BICRA: variants seen among roughly 807,000 people sequenced by gnomAD.
The protein encoded by BICRA is BRD4-interacting chromatin-remodeling complex-associated protein.
In BICRA, 31 loss-of-function variants were observed where a neutral mutation model predicts 96.9. The observed-to-expected ratio is 0.32, with a 90% CI of 0.24 to 0.43. BICRA has a LOEUF of 0.43. Ranked by LOEUF, BICRA falls within the 20% of genes least tolerant of loss-of-function variation. The pLI is 1.00. For missense variants in BICRA, 2,283 were observed against 2,190.3 expected, an observed-to-expected ratio of 1.04 and a Z score of -0.84; for synonymous variants, 1,350 against 1,071.8, an observed-to-expected ratio of 1.26 and a Z score of -5.07.
chr19:47,620,446 CA>C (rs1355442881), intron 1 of BICRA, among the ~76,000 whole-genome samples: 1 of 151,920 alleles, frequency 6.6e-6, no homozygotes, highest in Non-Finnish European at 1.5e-5. Flanking sequence ...GCAGGTGGAT[CA>C]CCTGAGGTCG....
intron 1 of BICRA, among the ~76,000 whole-genome samples, chr19:47,667,984 T>A (rs1972807935): frequency 6.6e-6 from 1 of 152,082 alleles, no homozygotes; most frequent in Non-Finnish European, 1.5e-5. Flanking sequence ...ATCCCAGCAC[T>A]TTGGGAGGCC....
intron 1 of BICRA, among the ~76,000 whole-genome samples, chr19:47,631,087 G>A (rs1320150346): frequency 6.6e-6 from 1 of 152,012 alleles, no homozygotes. Context: ...TTGAGACAGA[G>A]TCTGACTCTT....
In BICRA at chr19:47,682,066, C is replaced by G. The variant is rs925652057; in HGVS notation, c.2197C>G (p.Pro733Ala). 2.6e-6 allele frequency: 4 copies of G among 1,527,686 alleles called. No homozygotes were observed. In the Admixed American group the frequency reaches 7.5e-5, roughly 29 times the overall value. 94.6% of individuals were successfully genotyped at this position (1,527,686 alleles called of 1,614,324 possible). A position where few individuals can be genotyped will look rare whatever the true frequency, so the allele number is the denominator to read the frequency against. ...CAGCGCCCCGCCTCCCGCCCAAGAC[C>G]CAGCCCCAGCCACCCCCGTCGCCAA... The part of the protein sequence containing the change: ...IVSAPPPAQD[P>A]APATPVAKGA... The change falls in exon 7 of 15, where the codon CCA becomes GCA. Residue 733 changes from proline to alanine, a missense_variant. Physicochemically the swap from Pro to Ala is conservative, Grantham distance 27 (BLOSUM62 -1). Transcript: ENST00000594866.
At position 47,694,327 on chromosome 19, in the gene BICRA, T is replaced by G. The variant is rs1250467865; in HGVS notation, c.2496T>G (p.Pro832=). 2 of 676,722 alleles carry G rather than the reference T, an allele frequency of 3.0e-6. No homozygotes were observed. The highest frequency in any genetic ancestry group is 3.2e-5 in the Admixed American group (1 of 31,132). 41.9% of individuals were successfully genotyped at this position (676,722 alleles called of 1,614,324 possible). ...CACCCCAGGCCCCCCCAACTCTGCC[T>G]GGCATCTTTGTCATCCAAAACCAGC... ...CPPPQAPPTL[P]GIFVIQNQLG... The change falls in exon 8 of 15, where the codon CCT becomes CCG. Residue 832 remains proline, a synonymous_variant. Coordinates refer to ENST00000594866, the MANE Select transcript of BICRA (RefSeq NM_001394372.1).
At chr19:47,628,798 G>A (rs982855881) in intron 1 of BICRA, among the ~76,000 whole-genome samples, 4 of 151,994 alleles carry the variant, frequency 2.6e-5, no homozygotes, top group Non-Finnish European at 4.4e-5. Context: ...TGTAGACACA[G>A]GGTTTTGCCA....
At chr19:47,662,352 G>A (rs533611724) in intron 1 of BICRA, 66 of 152,182 alleles carry the variant, frequency 4.3e-4, no homozygotes, top group Non-Finnish European at 8.8e-4. Flanking sequence ...TGGCAGCTGG[G>A]CAAAGACTGG....
chr19:47,693,958 G>A (rs1307979112), intron 7 of BICRA, among the ~76,000 whole-genome samples, 157 bp from the exon 8 acceptor site: 2 of 152,114 alleles, frequency 1.3e-5, no homozygotes, highest in African/African-American at 4.8e-5. Context: ...GGCGAGGGAG[G>A]GAAGGGCAGC....
chr19:47,652,976 G>GC (rs1972561539), intron 1 of BICRA, among the ~76,000 whole-genome samples: 1 of 150,236 alleles, frequency 6.7e-6, no homozygotes, highest in Admixed American at 6.6e-5. Context: ...AGTAGTCTGG[G>GC]CGATCTTTCC....
intron 5 of BICRA, chr19:47,678,964 C>A: frequency 4.8e-6 from 1 of 210,380 alleles, no homozygotes; most frequent in African/African-American, 2.4e-5. Context: ...GTGAAGTGCT[C>A]GTAGCTCCAC....
At position 47,633,376 on chromosome 19, in the gene BICRA, C is replaced by T. The variant is rs117246876; in HGVS notation, c.-108+24208C>T. Among the ~76,000 whole-genome samples, 531 of 152,076 alleles carry T rather than the reference C, an allele frequency of 3.5e-3. 25 individuals are homozygous for T. The East Asian group carries it at 0.082, about 23-fold the overall frequency. ...ATCACAGACCTAAGCCACAATGCCC[C>T]GGCGTATTTTTCCAAGATGGGATCT... On this transcript the variant is annotated intron_variant, in intron 1 of 14. Transcript: ENST00000594866.
intron 1 of BICRA, among the ~76,000 whole-genome samples, chr19:47,658,505 G>A (rs1972654237): frequency 2.0e-5 from 3 of 152,148 alleles, no homozygotes; most frequent in Middle Eastern, 3.4e-3. Context: ...GGTGGCGAGT[G>A]CCTATAATCC....
chr19:47,630,983 T>A (rs1038939811), intron 1 of BICRA, among the ~76,000 whole-genome samples: 1 of 152,192 alleles, frequency 6.6e-6, no homozygotes, highest in Non-Finnish European at 1.5e-5. Context: ...ACATCTCAGT[T>A]GGGACTCGAC....
At chr19:47,686,909 C>T (rs577174467) in intron 7 of BICRA, among the ~76,000 whole-genome samples, 7 of 152,210 alleles carry the variant, frequency 4.6e-5, no homozygotes, top group African/African-American at 1.4e-4. Flanking sequence ...GGTGTCCTTG[C>T]GTGCAGAATC....
intron 1 of BICRA, among the ~76,000 whole-genome samples, chr19:47,668,487 C>CTTTT (rs35737042): frequency 7.9e-6 from 1 of 125,946 alleles, no homozygotes. Flanking sequence ...CTTTGTGAGT[C>CTTTT]TTTTTTTTTT....
rs1261468379 is a variant in BICRA, at chr19:47,701,874, A to C, written c.4142A>C (p.His1381Pro). 5 of 1,478,464 alleles carry C rather than the reference A, an allele frequency of 3.4e-6. No homozygotes were observed. Among genetic ancestry groups the C allele is most frequent in the Non-Finnish European group, 3.6e-6 (4 of 1,120,564 alleles). 91.6% of individuals were successfully genotyped at this position (1,478,464 alleles called of 1,614,324 possible). The change falls in exon 15 of 15, where the codon CAC becomes CCC. Residue 1381 changes from histidine (H) to proline (P), a missense_variant. Transcript: ENST00000594866. This position sits in a 1 kb window ranked among gnomAD's most constrained non-coding sequence, Gnocchi z 5.4. ...PERKPLGTAP[H>P]CPRLPLRKTY... ...CGCAAGCCCCTGGGCACCGCCCCGC[A>C]CTGCCCGCGCCTGCCACTGCGCAAG...
At chr19:47,667,164 G>A (rs919399025) in intron 1 of BICRA, among the ~76,000 whole-genome samples, 6 of 151,948 alleles carry the variant, frequency 3.9e-5, no homozygotes, top group Admixed American at 2.6e-4. Flanking sequence ...GACTACAGGC[G>A]CCCACCCCCA....
chr19:47,619,518 C>T (rs1422418064), intron 1 of BICRA, among the ~76,000 whole-genome samples: 1 of 152,090 alleles, frequency 6.6e-6, no homozygotes, highest in African/African-American at 2.4e-5. Flanking sequence ...TTTGGCTTCC[C>T]GAAGTGCTGG....
chr19:47,627,849 A>G (rs1284497575), intron 1 of BICRA, among the ~76,000 whole-genome samples: 2 of 152,126 alleles, frequency 1.3e-5, no homozygotes, highest in African/African-American at 4.8e-5. Flanking sequence ...GGCTCACTGC[A>G]ACCTCCACCT....
intron 1 of BICRA, among the ~76,000 whole-genome samples, chr19:47,638,875 G>A (rs1055081012): frequency 6.6e-6 from 1 of 152,096 alleles, no homozygotes; most frequent in South Asian, 2.1e-4. Context: ...GGCTGGTCTC[G>A]AACTCCTGAT....
Sources: allele counts gnomAD v4.1 joint callset (sites outside exome capture counted in the v4.1 genomes callset), GRCh38; gene constraint gnomAD v4.1.1; non-coding constraint Gnocchi (gnomAD v3.1); transcripts MANE v1.5; gene names NCBI Gene and HGNC (gene_info 2026-07-23, HGNC 2026-07-21).